The following SPTLC2 variants were observed in gnomAD, a reference collection of about 807,000 sequenced individuals.
SPTLC2 encodes the protein serine palmitoyltransferase 2.
SPTLC2 carries 21 observed loss-of-function variants against 62.0 expected under a neutral mutation model. That is an observed-to-expected ratio of 0.34 (90% CI 0.24 to 0.49). SPTLC2 has a LOEUF of 0.49. Among genes scored for constraint, SPTLC2 ranks in the 20% least tolerant of loss-of-function variants. SPTLC2 has a pLI of 0.99. For missense variants in SPTLC2, 511 were observed against 713.0 expected (o/e 0.72, Z 3.23); for synonymous variants, 261 against 261.8 (o/e 1.00, Z 0.03).
chr14:77,515,174 GTAA>G (rs1303897498), intron 11 of SPTLC2, among the ~76,000 whole-genome samples: 1 of 152,148 alleles, frequency 6.6e-6, no homozygotes, highest in African/African-American at 2.4e-5. Context: ...TAGCTTTGTA[GTAA>G]TTAGCTTTGT....
At chr14:77,525,385 A>T (rs2079404076) in intron 9 of SPTLC2, among the ~76,000 whole-genome samples, 1 of 151,870 alleles carries the variant, frequency 6.6e-6, no homozygotes, top group South Asian at 2.1e-4. Context: ...TGAGGTTGGG[A>T]GTTTGAGAGT....
intron 1 of SPTLC2, among the ~76,000 whole-genome samples, chr14:77,599,365 C>G (rs545994043): frequency 2.8e-4 from 42 of 152,164 alleles, no homozygotes; most frequent in African/African-American, 9.9e-4. Flanking sequence ...ATCAGAGATA[C>G]GATATAAACA....
At chr14:77,593,035 G>A (rs941891514) in intron 2 of SPTLC2, among the ~76,000 whole-genome samples, 5 of 151,822 alleles carry the variant, frequency 3.3e-5, no homozygotes, top group African/African-American at 7.3e-5. Context: ...CCGTGGAGGC[G>A]GAGATTGCAG....
At chr14:77,567,594 CCT>C (rs1594994578) in intron 5 of SPTLC2, among the ~76,000 whole-genome samples, 1 of 152,142 alleles carries the variant, frequency 6.6e-6, no homozygotes, top group South Asian at 2.1e-4. Flanking sequence ...GTGATGTCCC[CCT>C]CTCTCATTCC....
intron 9 of SPTLC2, among the ~76,000 whole-genome samples, chr14:77,543,779 A>T (rs1219722669): frequency 6.6e-6 from 1 of 152,170 alleles, no homozygotes; most frequent in African/African-American, 2.4e-5. Flanking sequence ...CCACTGATTC[A>T]ATCAGCCAGA....
At chr14:77,610,137 G>GGTTTT (rs55986788) in intron 1 of SPTLC2, among the ~76,000 whole-genome samples, 37,703 of 150,896 alleles carry the variant, frequency 0.25, 5,062 homozygotes, top group African/African-American at 0.33. Context: ...ATCTAACTGA[G>GGTTTT]GTTTTGTTTT....
At position 77,528,762 on chromosome 14, in the gene SPTLC2, A is replaced by G. The variant is rs146035822; in HGVS notation, c.1304-7181T>C. 3.7e-3 allele frequency among the ~76,000 whole-genome samples: 569 copies of G among 152,250 alleles called. 4 individuals are homozygous for G. The highest frequency in any genetic ancestry group is 0.017 in the Admixed American group (259 of 15,290). On this transcript the variant is annotated intron_variant, in intron 9 of 11. Coordinates refer to ENST00000216484, the MANE Select transcript of SPTLC2 (RefSeq NM_004863.4). ...TATTTCATATCTCTTTCATTTAACA[A>G]TTTTTTATAAGAATTGAAGCTAACT...
intron 8 of SPTLC2, among the ~76,000 whole-genome samples, chr14:77,553,749 A>AAAAAT (rs1566778022): frequency 6.6e-6 from 1 of 150,944 alleles, no homozygotes; most frequent in Non-Finnish European, 1.5e-5. Context: ...AAAAAAAAAA[A>AAAAAT]ATCTATCAAA....
chr14:77,586,369 C>T (rs1295083575), intron 2 of SPTLC2, among the ~76,000 whole-genome samples: 1 of 152,122 alleles, frequency 6.6e-6, no homozygotes, highest in Non-Finnish European at 1.5e-5. Context: ...AGCCATCACA[C>T]CCAGCCAAAA....
intron 2 of SPTLC2, among the ~76,000 whole-genome samples, chr14:77,595,461 G>A (rs2079841356): frequency 1.3e-5 from 2 of 152,160 alleles, no homozygotes; most frequent in African/African-American, 4.8e-5. Context: ...TCTGAATGCA[G>A]GGCTTTGCAT....
chr14:77,594,726 T>C (rs2079836785), intron 2 of SPTLC2, among the ~76,000 whole-genome samples: 1 of 152,244 alleles, frequency 6.6e-6, no homozygotes, highest in Admixed American at 6.5e-5. Context: ...TTGCCTATAC[T>C]ATCCCCTCAT....
At chr14:77,562,522 C>T in intron 5 of SPTLC2, 33 bp from the exon 6 acceptor site, 5 of 1,577,474 alleles carry the variant, frequency 3.2e-6, no homozygotes, top group Non-Finnish European at 4.4e-6. Flanking sequence ...AGGTAAGAAG[C>T]TGGAGGGGAA....
At chr14:77,524,268 C>T (rs752504058) in intron 9 of SPTLC2, among the ~76,000 whole-genome samples, 5 of 151,904 alleles carry the variant, frequency 3.3e-5, no homozygotes, top group Admixed American at 6.6e-5. Flanking sequence ...TATGGGAAGG[C>T]GGCTGATAGC....
At chr14:77,569,659 C>T (rs949084206) in intron 5 of SPTLC2, among the ~76,000 whole-genome samples, 1 of 150,356 alleles carries the variant, frequency 6.7e-6, no homozygotes, top group Non-Finnish European at 1.5e-5. Context: ...AATAAATAAC[C>T]TCAAGGGGCC....
chr14:77,513,582 A>T (rs1196949757), intron 11 of SPTLC2, among the ~76,000 whole-genome samples: 1 of 152,128 alleles, frequency 6.6e-6, no homozygotes, highest in Non-Finnish European at 1.5e-5. Flanking sequence ...CTGTGACAAG[A>T]TGTAATAATT....
In SPTLC2 at chr14:77,570,517, A is replaced by G; in HGVS notation, c.632-9T>C. 6.2e-7 allele frequency: 1 copy of G among 1,612,782 alleles called. No homozygotes were observed. The highest frequency in any genetic ancestry group is 2.2e-5 in the East Asian group (1 of 44,714). On this transcript the variant is annotated splice_polypyrimidine_tract_variant and intron_variant, in intron 4 of 11. Coordinates refer to ENST00000216484, the MANE Select transcript of SPTLC2 (RefSeq NM_004863.4). Reference sequence around the variant, plus strand: ...ATGCTTGTCCAGGTTTCCTGTGTGAAGAAGTTAATAAAGTCAGTATCACAA... The same window carrying G: ...ATGCTTGTCCAGGTTTCCTGTGTGAGGAAGTTAATAAAGTCAGTATCACAA...
chr14:77,605,489 T>C (rs991451609), intron 1 of SPTLC2, among the ~76,000 whole-genome samples: 2 of 152,226 alleles, frequency 1.3e-5, no homozygotes, highest in South Asian at 2.1e-4. Flanking sequence ...CTGTCTTCTA[T>C]GCATAGCAAA....
intron 5 of SPTLC2, among the ~76,000 whole-genome samples, chr14:77,566,729 G>T (rs2079647276): frequency 6.6e-6 from 1 of 152,002 alleles, no homozygotes. Flanking sequence ...CAAAGTCCTG[G>T]GATTACAGGC....
At chr14:77,559,025 TA>T (rs2140023734) in intron 6 of SPTLC2, among the ~76,000 whole-genome samples, 1 of 152,214 alleles carries the variant, frequency 6.6e-6, no homozygotes, top group East Asian at 1.9e-4. Flanking sequence ...AAATTTTAGA[TA>T]AAAGAAGCAT....
Sources: allele counts gnomAD v4.1 joint callset (sites outside exome capture counted in the v4.1 genomes callset), GRCh38; gene constraint gnomAD v4.1.1; transcripts MANE v1.5; gene names NCBI Gene and HGNC (gene_info 2026-07-23, HGNC 2026-07-21).